Variants in TBC1D22A observed in about 807,000 individuals in gnomAD.
The protein encoded by TBC1D22A is TBC1 domain family member 22A.
Under a neutral mutation model 60.2 loss-of-function variants are expected in TBC1D22A, and 38 were observed. That is an observed-to-expected ratio of 0.63 (90% CI 0.49 to 0.83). The LOEUF is 0.83. Ranked by LOEUF, TBC1D22A falls within the 40% of genes least tolerant of loss-of-function variation. The pLI, the probability that TBC1D22A is intolerant of heterozygous loss-of-function variation, is 0.00. For missense variants in TBC1D22A, 628 were observed against 701.0 expected, an observed-to-expected ratio of 0.90 and a Z score of 1.18; for synonymous variants, 302 against 281.7, an observed-to-expected ratio of 1.07 and a Z score of -0.72.
At chr22:46,776,340 C>A (rs1190748240) in intron 1 of TBC1D22A, among the ~76,000 whole-genome samples, 1 of 151,954 alleles carries the variant, frequency 6.6e-6, no homozygotes, top group Non-Finnish European at 1.5e-5. Context: ...GTAGTGGGCA[C>A]AGCTGTGGCT....
chr22:46,974,351 C>G lies in TBC1D22A; in HGVS notation c.1077C>G (p.Ile359Met), dbSNP rs1468061528. 3 of 1,611,240 alleles carry G rather than the reference C, an allele frequency of 1.9e-6. No individual in the cohort carries two copies. Among genetic ancestry groups the G allele is most frequent in the East Asian group, 2.2e-5 (1 of 44,788 alleles). ...SGVPAEVLCNIEADTYWCMSK... is the reference protein window; with the variant it reads ...SGVPAEVLCNMEADTYWCMSK... ...TGCCCGCAGAGGTGCTGTGCAACAT[C>G]GAGGCCGACACCTACTGGTGCATGA... Residue 359 changes from isoleucine (I) to methionine (M), a missense_variant, in exon 9 of 13, where the codon ATC becomes ATG. Transcript: ENST00000337137.
At chr22:46,795,517 C>T (rs959124610) in intron 3 of TBC1D22A, among the ~76,000 whole-genome samples, 4 of 152,248 alleles carry the variant, frequency 2.6e-5, no homozygotes, top group African/African-American at 9.6e-5. Context: ...GCAAAGGATG[C>T]TGCAGGCAGC....
chr22:47,137,577 G>T (rs1424821774), intron 12 of TBC1D22A, among the ~76,000 whole-genome samples: 1 of 152,182 alleles, frequency 6.6e-6, no homozygotes, highest in African/African-American at 2.4e-5. Context: ...TGTGCCCCTT[G>T]GAGCCCTGAA....
chr22:46,827,172 G>T (rs2086105679), intron 4 of TBC1D22A, among the ~76,000 whole-genome samples: 1 of 152,140 alleles, frequency 6.6e-6, no homozygotes. Flanking sequence ...AGGTGAGTGG[G>T]GTCTCCCGGG....
intron 11 of TBC1D22A, among the ~76,000 whole-genome samples, chr22:47,043,860 A>G (rs9615457): frequency 0.1 from 12,269 of 123,174 alleles, 1,017 homozygotes; most frequent in African/African-American, 0.24. Flanking sequence ...ATGCCAGGGC[A>G]GGTCCGAGGC....
intron 8 of TBC1D22A, among the ~76,000 whole-genome samples, chr22:46,931,731 C>T (rs1202463768): frequency 6.6e-6 from 1 of 152,202 alleles, no homozygotes; most frequent in Non-Finnish European, 1.5e-5. Context: ...CATGGACTCT[C>T]TTTCCTGGGT....
At chr22:47,125,323 A>T (rs1377221968) in intron 12 of TBC1D22A, among the ~76,000 whole-genome samples, 1 of 152,146 alleles carries the variant, frequency 6.6e-6, no homozygotes, top group Non-Finnish European at 1.5e-5. Context: ...GCTTTCTCAG[A>T]AGCCGGCACA....
rs368425901 is a variant in TBC1D22A, at chr22:46,941,934, TACACACAC to T, written c.1015+29772_1015+29779del. Among the ~76,000 whole-genome samples, 1,268 of 138,480 alleles carry T rather than the reference TACACACAC, an allele frequency of 9.2e-3. 14 individuals carry two copies. The highest frequency in any genetic ancestry group is 0.03 in the African/African-American group (1,135 of 37,444). The allele number at this position is 138,480 out of a possible 152,430, so 90.8% of individuals were successfully genotyped here. A position where few individuals can be genotyped will look rare whatever the true frequency, so the allele number is the denominator to read the frequency against. Reference sequence around the variant, plus strand: ...ATGTATATGTATATGTATGTATGTATACACACACACACACACACACACACACACACACA... The same window carrying T: ...ATGTATATGTATATGTATGTATGTATACACACACACACACACACACACACA... On this transcript the variant is annotated intron_variant, in intron 8 of 12. Coordinates refer to ENST00000337137, the MANE Select transcript of TBC1D22A (RefSeq NM_014346.5).
intron 3 of TBC1D22A, among the ~76,000 whole-genome samples, chr22:46,794,251 T>C (rs2084553063): frequency 6.6e-6 from 1 of 151,810 alleles, no homozygotes; most frequent in Non-Finnish European, 1.5e-5. Flanking sequence ...AGCCGAGGGG[T>C]CAGGCCTCTG....
intron 8 of TBC1D22A, among the ~76,000 whole-genome samples, chr22:46,940,983 AT>A (rs2071985979): frequency 7.5e-6 from 1 of 133,888 alleles, no homozygotes; most frequent in African/African-American, 2.8e-5. Flanking sequence ...ATATATATGT[AT>A]GTATGTATAT....
chr22:47,151,597 C>T (rs117134190), intron 12 of TBC1D22A, among the ~76,000 whole-genome samples: 2,610 of 152,278 alleles, frequency 0.017, 29 homozygotes, highest in Non-Finnish European at 0.026. Context: ...CAGGGGGCCT[C>T]ACTGGGGGTC....
intron 11 of TBC1D22A, among the ~76,000 whole-genome samples, chr22:47,104,236 G>A (rs566524549): frequency 6.6e-6 from 1 of 152,186 alleles, no homozygotes; most frequent in South Asian, 2.1e-4. Context: ...AATGCAGGAG[G>A]CAGGGAGGTT....
intron 4 of TBC1D22A, among the ~76,000 whole-genome samples, chr22:46,804,771 G>A (rs1268828970): frequency 6.6e-6 from 1 of 152,156 alleles, no homozygotes; most frequent in Admixed American, 6.5e-5. Context: ...CAGGTGATTT[G>A]TTTCTGTTGA....
At chr22:47,040,075 G>T (rs2062791475) in intron 11 of TBC1D22A, among the ~76,000 whole-genome samples, 1 of 150,974 alleles carries the variant, frequency 6.6e-6, no homozygotes, top group Admixed American at 6.6e-5. Context: ...CTCTTGAGTA[G>T]CTGGGACTAC....
At chr22:46,975,785 GT>G (rs1327319242) in intron 9 of TBC1D22A, among the ~76,000 whole-genome samples, 3 of 152,306 alleles carry the variant, frequency 2.0e-5, no homozygotes, top group East Asian at 3.9e-4. Flanking sequence ...TAGCTAAAAG[GT>G]TCCGTTGAGG....
intron 8 of TBC1D22A, among the ~76,000 whole-genome samples, chr22:46,928,061 A>T (rs554902022): frequency 1.3e-5 from 2 of 152,214 alleles, no homozygotes; most frequent in African/African-American, 4.8e-5. Context: ...CTTAGCAGAA[A>T]TTGTCGAGCT....
At chr22:46,913,792 C>G (rs1472997780) in intron 8 of TBC1D22A, 2 of 981,706 alleles carry the variant, frequency 2.0e-6, no homozygotes, top group African/African-American at 3.5e-5. Context: ...GTTTTAACTA[C>G]TTTACCGCCA....
intron 12 of TBC1D22A, among the ~76,000 whole-genome samples, chr22:47,159,302 ACAC>A (rs1291063681): frequency 1.6e-5 from 2 of 125,610 alleles, no homozygotes; most frequent in East Asian, 2.1e-4. Context: ...CACCCCACAC[ACAC>A]CATGTATACA....
At chr22:46,800,703 A>T (rs2084860757) in intron 4 of TBC1D22A, among the ~76,000 whole-genome samples, 1 of 152,276 alleles carries the variant, frequency 6.6e-6, no homozygotes. Flanking sequence ...TGCCTAGCAC[A>T]TACTAAACAC....
Sources: gnomAD v4.1 joint callset for allele counts (sites outside exome capture counted in the v4.1 genomes callset) on GRCh38, gnomAD v4.1.1 for gene constraint, MANE v1.5 for transcripts, NCBI Gene and HGNC (gene_info 2026-07-23, HGNC 2026-07-21) for gene names.